The following RAB27A variants were observed in gnomAD, a reference collection of about 807,000 sequenced individuals.
The protein encoded by RAB27A is RAB27A, member RAS oncogene family.
Under a neutral mutation model 20.8 loss-of-function variants are expected in RAB27A, and 17 were observed. That is an observed-to-expected ratio of 0.82 (90% confidence interval 0.56 to 1.23). The LOEUF is 1.23. Ranked by LOEUF, RAB27A falls within the 50% of genes most tolerant of loss-of-function variation. RAB27A has a pLI of 0.00. For missense variants in RAB27A, 277 were observed against 266.7 expected (o/e 1.04, Z -0.27); for synonymous variants, 85 against 92.8 (o/e 0.92, Z 0.48).
chr15:55,298,778 C>T (rs976171523), intron 2 of RAB27A, among the ~76,000 whole-genome samples: 1 of 152,180 alleles, frequency 6.6e-6, no homozygotes, highest in Non-Finnish European at 1.5e-5. Flanking sequence ...TAGACCTATA[C>T]CCCCAGGTGC....
Position 55,205,511 on chromosome 15 carries a change from C to T in RAB27A, c.662G>A (p.Cys221Tyr), listed in dbSNP as rs1197456186. 2 of 1,614,128 alleles carry T rather than the reference C, an allele frequency of 1.2e-6. No homozygotes were observed. Among genetic ancestry groups the T allele is most frequent in the Non-Finnish European group, 1.7e-6 (2 of 1,179,962 alleles). The change falls in exon 7 of 7, where the codon TGT becomes TAT. Residue 221 changes from cysteine (C) to tyrosine (Y), a missense_variant. Coordinates refer to ENST00000336787, the MANE Select transcript of RAB27A (RefSeq NM_183235.3). ...CTATGTCGCTTACTTGACTTCTCAACAGCCACATGCCCCTTTCTCCTTTTC... is the reference window on the plus strand; with the variant it reads ...CTATGTCGCTTACTTGACTTCTCAATAGCCACATGCCCCTTTCTCCTTTTC... ...SEEKEKGACG[C>Y]
intron 2 of RAB27A, among the ~76,000 whole-genome samples, chr15:55,261,268 GC>G (rs1367291250): frequency 6.6e-6 from 1 of 151,464 alleles, no homozygotes; most frequent in Non-Finnish European, 1.5e-5. Flanking sequence ...GCGGTGGCAG[GC>G]ACCTGTAATC....
At chr15:55,222,692 T>C (rs1895628410) in intron 6 of RAB27A, among the ~76,000 whole-genome samples, 1 of 152,064 alleles carries the variant, frequency 6.6e-6, no homozygotes, top group Non-Finnish European at 1.5e-5. Context: ...AAAGCAGTGA[T>C]CACACAATAA....
intron 3 of RAB27A, among the ~76,000 whole-genome samples, chr15:55,231,046 C>T (rs1469260720): frequency 6.6e-6 from 1 of 152,160 alleles, no homozygotes; most frequent in African/African-American, 2.4e-5. Flanking sequence ...TTAGTTCCCA[C>T]TTATAAGTGA....
At chr15:55,226,998 C>G (rs1353204003) in intron 5 of RAB27A, among the ~76,000 whole-genome samples, 2 of 152,012 alleles carry the variant, frequency 1.3e-5, no homozygotes, top group African/African-American at 4.8e-5. Flanking sequence ...GATATTACCA[C>G]TTCTGACACT....
chr15:55,235,687 G>A (rs1896226368), intron 2 of RAB27A, among the ~76,000 whole-genome samples: 1 of 151,910 alleles, frequency 6.6e-6, no homozygotes, highest in African/African-American at 2.4e-5. Flanking sequence ...CTTTTTCAAA[G>A]TCTCCTAGTG....
chr15:55,252,847 CT>C (rs1196287325), intron 2 of RAB27A, among the ~76,000 whole-genome samples: 1 of 152,140 alleles, frequency 6.6e-6, no homozygotes, highest in Non-Finnish European at 1.5e-5. Context: ...GTTTGAAAGG[CT>C]CCCTGGCCGG....
chr15:55,225,685 G>A (rs139011012), intron 5 of RAB27A, among the ~76,000 whole-genome samples: 190 of 152,292 alleles, frequency 1.2e-3, no homozygotes, highest in African/African-American at 4.5e-3. Flanking sequence ...GGTAGTCTAG[G>A]AAGTGTGATT....
chr15:55,212,737 G>A (rs1415128631), intron 6 of RAB27A, among the ~76,000 whole-genome samples: 1 of 152,034 alleles, frequency 6.6e-6, no homozygotes, highest in Non-Finnish European at 1.5e-5. Flanking sequence ...CACCATGTTA[G>A]ACAGGATGGT....
In RAB27A at chr15:55,220,423, C is replaced by T. The variant is rs993899404; in HGVS notation, c.467+3466G>A. On this transcript the variant is annotated intron_variant, in intron 6 of 6. Transcript: ENST00000336787. The stretch of plus-strand genomic sequence containing the variant: ...TAGCTGGAATTACAGGTGCCCGCCA[C>T]CACACCTGGCTAATTTTTTGTATTT... Among the ~76,000 whole-genome samples, 20 of 152,230 alleles carry T rather than the reference C, an allele frequency of 1.3e-4. 1 individual carries two copies. The highest frequency in any genetic ancestry group is 7.9e-4 in the Admixed American group (12 of 15,284).
intron 2 of RAB27A, among the ~76,000 whole-genome samples, chr15:55,258,530 C>T: frequency 6.6e-6 from 1 of 152,208 alleles, no homozygotes; most frequent in East Asian, 1.9e-4. Context: ...CAGGGGGAGT[C>T]ACCTCCTCTA....
At chr15:55,309,050 A>G (rs2055009430) in intron 2 of RAB27A, among the ~76,000 whole-genome samples, 2 of 152,170 alleles carry the variant, frequency 1.3e-5, no homozygotes, top group Non-Finnish European at 2.9e-5. Flanking sequence ...CAAGCTTAAC[A>G]CTGGGGCTTG....
At chr15:55,234,297 C>A (rs1353222376) in intron 3 of RAB27A, among the ~76,000 whole-genome samples, 1 of 152,192 alleles carries the variant, frequency 6.6e-6, no homozygotes, top group Non-Finnish European at 1.5e-5. Context: ...ACATTCACTA[C>A]TGGCATTCCC....
intron 6 of RAB27A, among the ~76,000 whole-genome samples, chr15:55,212,135 TTACA>T (rs879742376): frequency 1.3e-5 from 2 of 152,162 alleles, no homozygotes; most frequent in African/African-American, 2.4e-5. Flanking sequence ...ACTATGTGTC[TTACA>T]TACATGATTC....
chr15:55,306,411 G>A (rs1385768494), intron 2 of RAB27A, among the ~76,000 whole-genome samples: 1 of 152,182 alleles, frequency 6.6e-6, no homozygotes, highest in Non-Finnish European at 1.5e-5. Context: ...TGGGTACGGA[G>A]GGTTTCATGT....
chr15:55,256,549 A>G (rs949199809), intron 2 of RAB27A, among the ~76,000 whole-genome samples: 2 of 152,264 alleles, frequency 1.3e-5, no homozygotes, highest in Non-Finnish European at 2.9e-5. Flanking sequence ...GTTTCATGCA[A>G]GGGCATGTTT....
Position 55,205,624 on chromosome 15 carries a change from C to T in RAB27A, c.549G>A (p.Lys183=), listed in dbSNP as rs769332405. Residue 183 remains lysine (K), a synonymous_variant, in exon 7 of 7, where the codon AAG becomes AAA. Transcript: ENST00000336787. ...AIEMLLDLIM[K]RMERCVDKSW... is the part of the protein sequence containing the mutation. ...ACTTGTCCACACACCGTTCCATTCG[C>T]TTCATTATCAGGTCCAGAAGCATCT... 3.1e-6 allele frequency: 5 copies of T among 1,614,016 alleles called. No individual in the cohort carries two copies. In the African/African-American group the frequency reaches 4.0e-5, roughly 13 times the overall value.
At chr15:55,245,734 A>G (rs926342898) in intron 2 of RAB27A, among the ~76,000 whole-genome samples, 1 of 152,216 alleles carries the variant, frequency 6.6e-6, no homozygotes, top group Non-Finnish European at 1.5e-5. Flanking sequence ...TGCTAGACCA[A>G]CTTCTAGCAG....
chr15:55,274,794 T>TTACATATATATA lies in RAB27A; in HGVS notation c.-142-4511_-142-4510insTATATATATGTA, dbSNP rs1555399452. 1.9e-4 allele frequency among the ~76,000 whole-genome samples: 10 copies of TTACATATATATA among 52,174 alleles called. 1 individual carries two copies. The highest frequency in any genetic ancestry group is 0.014 in the Middle Eastern group (1 of 72). The allele number at this position is 52,174 out of a possible 152,430, so 34.2% of individuals were successfully genotyped here. On this transcript the variant is annotated intron_variant, in intron 1 of 6. Coordinates refer to ENST00000336787, the MANE Select transcript of RAB27A (RefSeq NM_183235.3). ...ATCCGTCCTTAAAAAAATAAATAAA[T>TTACATATATATA]TATATATATATATATATATATATAT... is the stretch of plus-strand genomic sequence containing the variant.
Sources: allele counts gnomAD v4.1 joint callset (sites outside exome capture counted in the v4.1 genomes callset), GRCh38; gene constraint gnomAD v4.1.1; transcripts MANE v1.5; gene names NCBI Gene and HGNC (gene_info 2026-07-23, HGNC 2026-07-21).